REEP5: variants seen among roughly 807,000 people sequenced by gnomAD.
REEP5 encodes receptor accessory protein 5.
REEP5 carries 24 observed loss-of-function variants against 22.4 expected under a neutral mutation model. The ratio of observed to expected loss-of-function variants is 1.07; its 90% CI spans 0.78 to 1.51. The LOEUF is 1.51. REEP5 is among the 40% of genes most tolerant of loss of function. The pLI, the probability that REEP5 is intolerant of heterozygous loss-of-function variation, is 0.00. For missense variants in REEP5, 252 were observed against 233.0 expected, an observed-to-expected ratio of 1.08 and a Z score of -0.53; for synonymous variants, 103 against 88.6, an observed-to-expected ratio of 1.16 and a Z score of -0.92.
chr5:112,908,706 C>T (rs13357384), intron 2 of REEP5, among the ~76,000 whole-genome samples: 2,661 of 151,762 alleles, frequency 0.018, 80 homozygotes, highest in African/African-American at 0.061. Context: ...ACAGCGCCCA[C>T]GACCACGCCA....
At position 112,887,202 on chromosome 5, in the gene REEP5, A is replaced by G; in HGVS notation, c.352-19T>C. ...AGCCACACTGCACAGAAAAAGAGCC[A>G]GCATGGGTAACAGGAGGGTGGAGGG... On this transcript the variant is annotated intron_variant, in intron 3 of 4. Transcript: ENST00000379638. 6.4e-7 allele frequency: 1 copy of G among 1,556,232 alleles called. No homozygotes were observed. The highest frequency in any genetic ancestry group is 1.2e-5 in the South Asian group (1 of 84,280).
intron 4 of REEP5, 64 bp from the exon 5 acceptor site, chr5:112,878,899 C>T (rs1561644737): frequency 3.1e-6 from 5 of 1,611,854 alleles, no homozygotes; most frequent in Non-Finnish European, 2.5e-6. Flanking sequence ...TGCAAGCTTG[C>T]AAGCTTTGTG....
At chr5:112,882,679 G>A (rs1280447107) in intron 4 of REEP5, among the ~76,000 whole-genome samples, 1 of 152,180 alleles carries the variant, frequency 6.6e-6, no homozygotes, top group Non-Finnish European at 1.5e-5. Flanking sequence ...AGTGTCCATG[G>A]CTGTTTTCAC....
intron 4 of REEP5, among the ~76,000 whole-genome samples, chr5:112,883,902 C>CAT (rs1229636296): frequency 6.6e-6 from 1 of 152,144 alleles, no homozygotes; most frequent in African/African-American, 2.4e-5. Context: ...ACCCCTCTGA[C>CAT]CCATGCCCAA....
chr5:112,903,283 G>A (rs746227696), intron 2 of REEP5, among the ~76,000 whole-genome samples: 4 of 152,186 alleles, frequency 2.6e-5, no homozygotes, highest in South Asian at 2.1e-4. Context: ...GATATTTATC[G>A]TAACTGAGCT....
chr5:112,888,710 C>T (rs1418849127), intron 3 of REEP5, among the ~76,000 whole-genome samples: 1 of 150,994 alleles, frequency 6.6e-6, no homozygotes, highest in African/African-American at 2.5e-5. Context: ...ATTTGTTACA[C>T]ATGCACAAGA....
chr5:112,913,920 T>TTG (rs150644247), intron 2 of REEP5, among the ~76,000 whole-genome samples: 3,456 of 150,506 alleles, frequency 0.023, 129 homozygotes, highest in African/African-American at 0.078. Context: ...GTGTGTGTGT[T>TTG]TGTGTGTGTG....
chr5:112,915,265 C>A (rs747428654), intron 2 of REEP5, among the ~76,000 whole-genome samples: 6 of 152,058 alleles, frequency 3.9e-5, no homozygotes, highest in Admixed American at 3.3e-4. Flanking sequence ...GAAATGAGAT[C>A]CTCCTCCACA....
chr5:112,878,665 T>A lies in REEP5; in HGVS notation c.*121A>T. ...GAAACTTACAACACATTCCAATCTT[T>A]AATATCTCAAAAATGTTTCCAAGGC... On this transcript the variant is annotated 3_prime_UTR_variant, in exon 5 of 5. Transcript: ENST00000379638. 1 of 1,388,626 alleles carries A rather than the reference T, an allele frequency of 7.2e-7. No individual in the cohort carries two copies. Among genetic ancestry groups the A allele is most frequent in the East Asian group, 2.4e-5 (1 of 42,478 alleles). The allele number at this position is 1,388,626 out of a possible 1,614,324, so 86.0% of individuals were successfully genotyped here. A position where few individuals can be genotyped will look rare whatever the true frequency, so the allele number is the denominator to read the frequency against.
chr5:112,894,963 G>C (rs949424618), intron 3 of REEP5: 4 of 146,384 alleles, frequency 2.7e-5, no homozygotes, highest in African/African-American at 1.0e-4. Context: ...GTGGGGCTGG[G>C]CGCAGTGGCT....
chr5:112,882,853 T>G (rs1006111900), intron 4 of REEP5, among the ~76,000 whole-genome samples: 1 of 152,250 alleles, frequency 6.6e-6, no homozygotes, highest in Non-Finnish European at 1.5e-5. Context: ...CTCTCTCAAT[T>G]GGCCTTCCTA....
chr5:112,890,139 T>G (rs371579670), intron 3 of REEP5, among the ~76,000 whole-genome samples: 1 of 149,926 alleles, frequency 6.7e-6, no homozygotes, highest in Admixed American at 6.7e-5. Context: ...AAAAAATAAA[T>G]TTAAAATTAG....
chr5:112,884,787 C>T (rs879862800), intron 4 of REEP5, among the ~76,000 whole-genome samples: 2 of 151,724 alleles, frequency 1.3e-5, no homozygotes, highest in East Asian at 1.9e-4. Flanking sequence ...TGGCCCCCCC[C>T]CATCTTTCTA....
intron 2 of REEP5, 65 bp from the exon 3 acceptor site, chr5:112,902,583 A>G (rs1768876175): frequency 6.9e-7 from 1 of 1,440,776 alleles, no homozygotes; most frequent in African/African-American, 1.4e-5. Context: ...TTTCAAATAC[A>G]CTTTCATAAC....
chr5:112,888,165 A>G (rs889104577), intron 3 of REEP5, among the ~76,000 whole-genome samples: 1 of 97,112 alleles, frequency 1.0e-5, no homozygotes, highest in Admixed American at 8.4e-5. Flanking sequence ...CTCATGCTTT[A>G]AATTTAAGTC....
chr5:112,899,695 G>C (rs1030713104), intron 3 of REEP5, among the ~76,000 whole-genome samples: 14 of 152,276 alleles, frequency 9.2e-5, no homozygotes, highest in African/African-American at 3.4e-4. Flanking sequence ...GAATTGTTAA[G>C]AGTATCATTT....
intron 3 of REEP5, chr5:112,891,546 T>TAAAACATAAAACATAA (rs1382958799): frequency 6.6e-7 from 1 of 1,505,144 alleles, no homozygotes; most frequent in African/African-American, 1.4e-5. Context: ...AAAATATTCA[T>TAAAACATAAAACATAA]AAGTAGAATC....
chr5:112,904,548 G>C (rs774218864), intron 2 of REEP5, among the ~76,000 whole-genome samples: 6 of 152,280 alleles, frequency 3.9e-5, no homozygotes, highest in Non-Finnish European at 7.4e-5. Context: ...GAATTAAACA[G>C]TCTTTTCTAG....
At chr5:112,896,443 A>C (rs1327919023) in intron 3 of REEP5, 1 of 152,254 alleles carries the variant, frequency 6.6e-6, no homozygotes, top group Non-Finnish European at 1.5e-5. Context: ...GAATTGCTTG[A>C]ATGCGGGAAG....
Sources: gnomAD v4.1 joint callset for allele counts (sites outside exome capture counted in the v4.1 genomes callset) on GRCh38, gnomAD v4.1.1 for gene constraint, MANE v1.5 for transcripts, NCBI Gene and HGNC (gene_info 2026-07-23, HGNC 2026-07-21) for gene names.